Variants in FNDC1 observed in about 807,000 individuals in gnomAD.
FNDC1 encodes fibronectin type III domain-containing protein 1.
In FNDC1, 96 loss-of-function variants were observed where a neutral mutation model predicts 168.0. The observed-to-expected ratio is 0.57, with a 90% CI of 0.48 to 0.68. FNDC1 has a LOEUF of 0.68. Ranked by LOEUF, FNDC1 falls within the 30% of genes least tolerant of loss-of-function variation. The probability of loss-of-function intolerance (pLI) is 0.00; values close to 1 mark genes in which losing one functional copy is unlikely to be tolerated. For synonymous variants in FNDC1, 1,099 were observed against 1,025.9 expected, an observed-to-expected ratio of 1.07 and a Z score of -1.36; for missense variants, 2,587 against 2,482.1, an observed-to-expected ratio of 1.04 and a Z score of -0.90.
In FNDC1 at chr6:159,232,783, G is replaced by A. The variant is rs758442513; in HGVS notation, c.2271G>A (p.Ala757=). 1.9e-6 allele frequency: 3 copies of A among 1,613,928 alleles called. No individual in the cohort carries two copies. The highest frequency in any genetic ancestry group is 1.7e-5 in the Admixed American group (1 of 60,022). Residue 757 remains alanine, a synonymous_variant, in exon 11 of 23, where the codon GCG becomes GCA. Transcript: ENST00000297267. The surrounding 1 kb of genome is among the most constrained non-coding windows in gnomAD (Gnocchi z 4.9). The part of the protein sequence containing the change: ...GEDAPATNSN[A]PSRSTMSSSV... Reference sequence around the variant, plus strand: ...ACGCCCCAGCCACCAACTCCAATGCGCCATCACGGTCCACCATGTCCTCCT... The same window carrying A: ...ACGCCCCAGCCACCAACTCCAATGCACCATCACGGTCCACCATGTCCTCCT...
At chr6:159,225,811 A>G (rs1307654792) in intron 8 of FNDC1, 89 bp downstream of exon 8, 1 of 1,218,636 alleles carries the variant, frequency 8.2e-7, no homozygotes, top group Non-Finnish European at 1.1e-6. Flanking sequence ...CAATAGTGAC[A>G]AAGGCCAGCG....
At chr6:159,191,939 T>C (rs1050014032) in intron 1 of FNDC1, among the ~76,000 whole-genome samples, 14 of 152,164 alleles carry the variant, frequency 9.2e-5, no homozygotes, top group African/African-American at 3.4e-4. Context: ...TGATAAACCA[T>C]AGCTCACTGC....
At position 159,233,683 on chromosome 6, in the gene FNDC1, G is replaced by C. The variant is rs1324069332; in HGVS notation, c.3171G>C (p.Thr1057=). 6.5e-7 allele frequency: 1 copy of C among 1,549,212 alleles called. No homozygotes were observed. Among genetic ancestry groups the C allele is most frequent in the Non-Finnish European group, 8.7e-7 (1 of 1,147,112 alleles). ...CCCACTCCTCCTCGGACCCTTACACGGCGAGCTCCAGAGGGATGCTCCCCA... is the reference window on the plus strand; with the variant it reads ...CCCACTCCTCCTCGGACCCTTACACCGCGAGCTCCAGAGGGATGCTCCCCA... ...GRSHSSSDPY[T]ASSRGMLPTA... The change falls in exon 11 of 23, where the codon ACG becomes ACC. Residue 1057 remains threonine, a synonymous_variant. Transcript: ENST00000297267. This position sits in a 1 kb window ranked among gnomAD's most constrained non-coding sequence, Gnocchi z 4.6.
At chr6:159,184,219 A>G (rs1422466396) in intron 1 of FNDC1, among the ~76,000 whole-genome samples, 1 of 152,264 alleles carries the variant, frequency 6.6e-6, no homozygotes, top group Non-Finnish European at 1.5e-5. Flanking sequence ...CTATATTGCC[A>G]GTTCCTTGCT....
chr6:159,233,143 A>T lies in FNDC1; in HGVS notation c.2631A>T (p.Gly877=). ...SHPKLSSGIH[G]DEEDEKPLPA... is the part of the protein sequence containing the mutation. ...CTAAGCTTAGCTCAGGTATCCATGG[A>T]GACGAGGAGGATGAGAAGCCGCTTC... The change falls in exon 11 of 23, where the codon GGA becomes GGT. Residue 877 remains glycine, a synonymous_variant. Transcript: ENST00000297267. The surrounding 1 kb of genome is among the most constrained non-coding windows in gnomAD (Gnocchi z 4.6). 1 of 1,605,524 alleles carries T rather than the reference A, an allele frequency of 6.2e-7. No homozygotes were observed.
chr6:159,227,758 G>C lies in FNDC1; in HGVS notation c.1180+1178G>C, dbSNP rs561907830. On this transcript the variant is annotated intron_variant, in intron 9 of 22. Coordinates refer to ENST00000297267, the MANE Select transcript of FNDC1 (RefSeq NM_032532.3). The stretch of plus-strand genomic sequence containing the variant: ...TTGGCTTCCCTGGGCCACATTGGAA[G>C]AAGAATTGTCTTGGGCCACGCATAA... Among the ~76,000 whole-genome samples the C allele has an allele frequency of 4.0e-5, 6 of 151,778 alleles. No homozygotes were observed. In the South Asian group the frequency reaches 1.3e-3, roughly 32 times the overall value.
At chr6:159,266,003 C>A in intron 20 of FNDC1, 81 bp from the exon 21 acceptor site, 1 of 1,429,592 alleles carries the variant, frequency 7.0e-7, no homozygotes, top group South Asian at 1.2e-5. Flanking sequence ...CCCAGGAAGT[C>A]AGTGCAATTT....
intron 21 of FNDC1, among the ~76,000 whole-genome samples, chr6:159,266,495 A>C (rs1777596070): frequency 6.6e-6 from 1 of 152,330 alleles, no homozygotes; most frequent in South Asian, 2.1e-4. Context: ...CTGTAATCGC[A>C]GCACTTTGGG....
rs142034697 is a variant in FNDC1, at chr6:159,198,034, G to A, written c.304+409G>A. On this transcript the variant is annotated intron_variant, in intron 2 of 22. Coordinates refer to ENST00000297267, the MANE Select transcript of FNDC1 (RefSeq NM_032532.3). ...GGGCAAGTCGTATGCCCCTGGAGAT[G>A]TGGAATACGTTATGCCTAGCCACGT... is the stretch of plus-strand genomic sequence containing the variant. 6.4e-3 allele frequency among the ~76,000 whole-genome samples: 981 copies of A among 152,342 alleles called. 3 individuals carry two copies. Among genetic ancestry groups the A allele is most frequent in the Middle Eastern group, 0.027 (8 of 294 alleles).
chr6:159,258,433 G>A (rs1368998214), intron 18 of FNDC1, among the ~76,000 whole-genome samples: 2 of 152,118 alleles, frequency 1.3e-5, no homozygotes, highest in East Asian at 3.9e-4. Flanking sequence ...AGGTTCTCTG[G>A]GAAAGTAAAA....
chr6:159,190,556 C>T (rs1307581215), intron 1 of FNDC1, among the ~76,000 whole-genome samples: 4 of 152,234 alleles, frequency 2.6e-5, no homozygotes, highest in Non-Finnish European at 4.4e-5. Flanking sequence ...CCTGCAGTCT[C>T]CTTCTGGGTC....
chr6:159,233,642 A>C lies in FNDC1; in HGVS notation c.3130A>C (p.Thr1044Pro). Reference protein sequence around the residue: ...SLTQAGRPRPTSQGRSHSSSD... With the variant: ...SLTQAGRPRPPSQGRSHSSSD... The stretch of plus-strand genomic sequence containing the variant: ...GACCCAGGCCGGGCGGCCCCGCCCC[A>C]CGTCGCAGGGCCGCTCCCACTCCTC... Residue 1044 changes from threonine to proline, a missense_variant, in exon 11 of 23, where the codon ACG becomes CCG. Thr to Pro is a conservative substitution (Grantham distance 38). Coordinates refer to ENST00000297267, the MANE Select transcript of FNDC1 (RefSeq NM_032532.3). This position sits in a 1 kb window ranked among gnomAD's most constrained non-coding sequence, Gnocchi z 4.6. 6.4e-7 allele frequency: 1 copy of C among 1,552,060 alleles called. No individual in the cohort carries two copies. The highest frequency in any genetic ancestry group is 8.7e-7 in the Non-Finnish European group (1 of 1,150,500).
At chr6:159,259,432 G>A (rs1187121737) in intron 18 of FNDC1, among the ~76,000 whole-genome samples, 1 of 152,080 alleles carries the variant, frequency 6.6e-6, no homozygotes, top group Non-Finnish European at 1.5e-5. Flanking sequence ...AAACAAAATC[G>A]ATACAAACAG....
At chr6:159,249,291 T>G in intron 16 of FNDC1, 109 bp downstream of exon 16, 2 of 1,071,664 alleles carry the variant, frequency 1.9e-6, no homozygotes, top group Non-Finnish European at 2.6e-6. Context: ...TTTGAGAAGT[T>G]TTTCCAGAAT....
rs1010122977 is a variant in FNDC1 at position 159,219,574 on chromosome 6, C to T, written c.668-2024C>T. ...GTGAAGACAACAACAGTAGCTTCTG[C>T]GCGGGGCTTTGTTGAGACTCAATGA... On this transcript the variant is annotated intron_variant, in intron 5 of 22. Transcript: ENST00000297267. Among the ~76,000 whole-genome samples, 8 of 152,224 alleles carry T rather than the reference C, an allele frequency of 5.3e-5. No homozygotes were observed. In the East Asian group the frequency reaches 7.7e-4, roughly 15 times the overall value.
chr6:159,206,273 A>T (rs1372244523), intron 4 of FNDC1, among the ~76,000 whole-genome samples: 3 of 152,258 alleles, frequency 2.0e-5, no homozygotes, highest in Admixed American at 6.5e-5. Flanking sequence ...GTACAATTTC[A>T]ATCAAAGCCT....
Position 159,234,088 on chromosome 6 carries a change from A to G in FNDC1, c.3576A>G (p.Lys1192=). Residue 1192 remains lysine, a synonymous_variant, in exon 11 of 23, where the codon AAA becomes AAG. Transcript: ENST00000297267. ...EEDAGFFKGG[K]EDLLSSSVPK... The stretch of plus-strand genomic sequence containing the variant: ...ACGCGGGATTTTTTAAAGGCGGGAA[A>G]GAAGACCTTCTGTCTTCCTCTGTGC... 6.8e-6 allele frequency: 11 copies of G among 1,611,856 alleles called. No individual in the cohort carries two copies. The highest frequency in any genetic ancestry group is 2.2e-5 in the East Asian group (1 of 44,864).
chr6:159,220,235 C>A (rs372234269), intron 5 of FNDC1, among the ~76,000 whole-genome samples: 26 of 152,158 alleles, frequency 1.7e-4, no homozygotes, highest in Admixed American at 1.2e-3. Flanking sequence ...ATTTTGAACA[C>A]AAGTCTTCTT....
chr6:159,237,099 T>C (rs1783278639), intron 12 of FNDC1, among the ~76,000 whole-genome samples: 1 of 152,244 alleles, frequency 6.6e-6, no homozygotes, highest in East Asian at 1.9e-4. Context: ...AAGATGCATG[T>C]TATCATTTCT....
Sources: gnomAD v4.1 joint callset for allele counts (sites outside exome capture counted in the v4.1 genomes callset) on GRCh38, gnomAD v4.1.1 for gene constraint, Gnocchi (gnomAD v3.1) non-coding constraint, MANE v1.5 for transcripts, NCBI Gene and HGNC (gene_info 2026-07-23, HGNC 2026-07-21) for gene names.